Variants in SBSPON observed in about 807,000 individuals in gnomAD.
SBSPON encodes the protein somatomedin-B and thrombospondin type-1 domain-containing protein.
Under a neutral mutation model 35.8 loss-of-function variants are expected in SBSPON, and 30 were observed. The ratio of observed to expected loss-of-function variants is 0.84; its 90% CI spans 0.63 to 1.14. The LOEUF (loss-of-function observed/expected upper bound fraction) is 1.14. Ranked by LOEUF, SBSPON falls within the 50% of genes most tolerant of loss-of-function variation. The probability of loss-of-function intolerance (pLI) is 0.00; values close to 1 mark genes in which losing one functional copy is unlikely to be tolerated. For missense variants in SBSPON, 364 were observed against 357.7 expected, an observed-to-expected ratio of 1.02 and a Z score of -0.14; for synonymous variants, 136 against 135.9, an observed-to-expected ratio of 1.00 and a Z score of 0.00.
At chr8:73,087,054 A>G (rs1810841447) in intron 1 of SBSPON, among the ~76,000 whole-genome samples, 1 of 152,214 alleles carries the variant, frequency 6.6e-6, no homozygotes, top group Non-Finnish European at 1.5e-5. Flanking sequence ...TTATGCAGAC[A>G]GGCAAGACAC....
chr8:73,074,885 T>C (rs924746064), intron 2 of SBSPON, among the ~76,000 whole-genome samples: 8 of 152,202 alleles, frequency 5.3e-5, no homozygotes, highest in Non-Finnish European at 1.0e-4. Flanking sequence ...ATGTGTTACC[T>C]TCAACAAAAA....
chr8:73,077,236 G>A (rs1026899183), intron 2 of SBSPON, among the ~76,000 whole-genome samples: 8 of 152,196 alleles, frequency 5.3e-5, no homozygotes, highest in African/African-American at 1.9e-4. Flanking sequence ...CACTAAATTT[G>A]GGGTAATCTG....
rs1810502701 is a variant in SBSPON, at chr8:73,072,004, A to G, written c.410-134T>C. On this transcript the variant is annotated intron_variant, in intron 2 of 4. Coordinates refer to ENST00000297354, the MANE Select transcript of SBSPON (RefSeq NM_153225.4). Reference sequence around the variant, plus strand: ...GGCTACGGCACACCATCAAGGTGTGAAATGAGGCCAAGTTACAAATTCAAT... The same window carrying G: ...GGCTACGGCACACCATCAAGGTGTGGAATGAGGCCAAGTTACAAATTCAAT... 7 of 632,572 alleles carry G rather than the reference A, an allele frequency of 1.1e-5. No individual in the cohort carries two copies. In the South Asian group the frequency reaches 1.3e-4, roughly 12 times the overall value. 39.2% of individuals were successfully genotyped at this position (632,572 alleles called of 1,614,324 possible). A position where few individuals can be genotyped will look rare whatever the true frequency, so the allele number is the denominator to read the frequency against.
intron 2 of SBSPON, 145 bp from the exon 3 acceptor site, chr8:73,072,015 A>G (rs556730098): frequency 1.9e-4 from 121 of 625,410 alleles, no homozygotes; most frequent in Non-Finnish European, 3.4e-4. Context: ...AATGAGGCCA[A>G]GTTACAAATT....
intron 1 of SBSPON, among the ~76,000 whole-genome samples, chr8:73,089,883 C>CT (rs1421228718): frequency 6.6e-6 from 1 of 151,896 alleles, no homozygotes; most frequent in Non-Finnish European, 1.5e-5. Flanking sequence ...CCTGCCCCTA[C>CT]TTTTTTTTGA....
Position 73,067,207 on chromosome 8 carries a change from C to T in SBSPON, c.*134G>A. The T allele has an allele frequency of 1.9e-6, 1 of 536,692 alleles. No homozygotes were observed. The allele number at this position is 536,692 out of a possible 1,614,324, so 33.2% of individuals were successfully genotyped here. A position where few individuals can be genotyped will look rare whatever the true frequency, so the allele number is the denominator to read the frequency against. On this transcript the variant is annotated 3_prime_UTR_variant, in exon 5 of 5. Transcript: ENST00000297354. ...CCTTGAGAACTGGCCCCTAAATTTTCTTTCTCTACTTCAGAGTGTGGCAAT... is the reference window on the plus strand; with the variant it reads ...CCTTGAGAACTGGCCCCTAAATTTTTTTTCTCTACTTCAGAGTGTGGCAAT...
intron 4 of SBSPON, among the ~76,000 whole-genome samples, chr8:73,068,915 C>A (rs573122881): frequency 2.0e-5 from 3 of 151,992 alleles, no homozygotes; most frequent in Non-Finnish European, 4.4e-5. Context: ...GAAAATTATA[C>A]GAAATTCAAA....
In SBSPON at chr8:73,067,375, G is replaced by A. The variant is rs758415418; in HGVS notation, c.761C>T (p.Ser254Phe). 9 of 1,608,136 alleles carry A rather than the reference G, an allele frequency of 5.6e-6. No individual in the cohort carries two copies. The highest frequency in any genetic ancestry group is 6.8e-6 in the Non-Finnish European group (8 of 1,175,046). The change falls in exon 5 of 5, where the codon TCT (serine) becomes TTT (phenylalanine). Residue 254 changes from serine to phenylalanine, a missense_variant. Ser to Phe is a radical substitution (Grantham distance 155). Coordinates refer to ENST00000297354, the MANE Select transcript of SBSPON (RefSeq NM_153225.4). ...WKKVRRVDQC[S>F]CPAVHSFIFI ...AATAAAACTGTGAACAGCTGGACAA[G>A]AACACTGGTCTACTCGCCGAACTTT...
At chr8:73,084,859 C>T (rs1253929586) in intron 1 of SBSPON, among the ~76,000 whole-genome samples, 4 of 151,562 alleles carry the variant, frequency 2.6e-5, no homozygotes, top group Non-Finnish European at 5.9e-5. Flanking sequence ...TTCATAATTA[C>T]TTATTCATTT....
In SBSPON at chr8:73,065,018, T is replaced by TC. The variant is rs1362688869; in HGVS notation, c.*2322_*2323insG. On this transcript the variant is annotated 3_prime_UTR_variant, in exon 5 of 5. Coordinates refer to ENST00000297354, the MANE Select transcript of SBSPON (RefSeq NM_153225.4). Reference sequence around the variant, plus strand: ...ATTTTTAAATTTGAAAATAAAAACTTTTGGTTTTTCATTCATCACTTGGAC... The same window carrying TC: ...ATTTTTAAATTTGAAAATAAAAACTTCTTGGTTTTTCATTCATCACTTGGAC... 1 of 152,172 alleles carries TC rather than the reference T, an allele frequency of 6.6e-6. No homozygotes were observed. Among genetic ancestry groups the TC allele is most frequent in the African/African-American group, 2.4e-5 (1 of 41,426 alleles). The allele number at this position is 152,172 out of a possible 1,614,324, so 9.4% of individuals were successfully genotyped here.
intron 2 of SBSPON, among the ~76,000 whole-genome samples, chr8:73,078,000 A>G (rs1178777178): frequency 6.6e-6 from 1 of 152,144 alleles, no homozygotes; most frequent in Non-Finnish European, 1.5e-5. Flanking sequence ...AAAAGAGGAT[A>G]CTCTGGGAAC....
intron 1 of SBSPON, among the ~76,000 whole-genome samples, chr8:73,090,436 G>A (rs1224255074): frequency 2.0e-5 from 3 of 152,250 alleles, no homozygotes; most frequent in African/African-American, 7.2e-5. Context: ...TCAGCTCTGA[G>A]CCCGGGAGGC....
Position 73,065,287 on chromosome 8 carries a change from A to G in SBSPON, c.*2054T>C, listed in dbSNP as rs1048003984. The G allele has an allele frequency of 1.4e-4, 21 of 152,216 alleles. No individual in the cohort carries two copies. The highest frequency in any genetic ancestry group is 5.1e-4 in the African/African-American group (21 of 41,468). 9.4% of individuals were successfully genotyped at this position (152,216 alleles called of 1,614,324 possible). ...AAATGTTATAACACATATCGGAACT[A>G]TAAAAGCACCATTGCTTTATTGCTA... On this transcript the variant is annotated 3_prime_UTR_variant, in exon 5 of 5. Coordinates refer to ENST00000297354, the MANE Select transcript of SBSPON (RefSeq NM_153225.4).
intron 1 of SBSPON, among the ~76,000 whole-genome samples, chr8:73,086,232 C>T (rs1810823092): frequency 6.6e-6 from 1 of 151,970 alleles, no homozygotes; most frequent in Admixed American, 6.6e-5. Context: ...GTGATCTCGA[C>T]TCACTGCAAC....
At chr8:73,076,341 T>C (rs149861742) in intron 2 of SBSPON, among the ~76,000 whole-genome samples, 189 of 152,242 alleles carry the variant, frequency 1.2e-3, no homozygotes, top group African/African-American at 4.2e-3. Flanking sequence ...GAATTAAGGT[T>C]ACAGGTGGAA....
chr8:73,067,098 G>T lies in SBSPON; in HGVS notation c.*243C>A. ...CCACCTGCTGAATGAGAGGACTCCA[G>T]TTGAAAGGTCAAGAACATAAAACCA... On this transcript the variant is annotated 3_prime_UTR_variant, in exon 5 of 5. Coordinates refer to ENST00000297354, the MANE Select transcript of SBSPON (RefSeq NM_153225.4). 2.8e-6 allele frequency: 1 copy of T among 354,056 alleles called. No homozygotes were observed. The highest frequency in any genetic ancestry group is 5.7e-5 in the South Asian group (1 of 17,408). The allele number at this position is 354,056 out of a possible 1,614,324, so 21.9% of individuals were successfully genotyped here.
Position 73,067,538 on chromosome 8 carries a change from G to A in SBSPON, c.678-80C>T, listed in dbSNP as rs375671135. On this transcript the variant is annotated intron_variant, in intron 4 of 4. Transcript: ENST00000297354. ...CTAATTTACAGAATTAAAACTCGGAGTTAAAAAAAACTGATCACAGCCTGA... is the reference window on the plus strand; with the variant it reads ...CTAATTTACAGAATTAAAACTCGGAATTAAAAAAAACTGATCACAGCCTGA... 195 of 823,846 alleles carry A rather than the reference G, an allele frequency of 2.4e-4. 1 individual carries two copies. In the East Asian group the frequency reaches 3.5e-3, roughly 15 times the overall value. 51.0% of individuals were successfully genotyped at this position (823,846 alleles called of 1,614,324 possible).
At chr8:73,080,300 G>A (rs933092962) in intron 2 of SBSPON, among the ~76,000 whole-genome samples, 3 of 151,982 alleles carry the variant, frequency 2.0e-5, no homozygotes, top group Non-Finnish European at 2.9e-5. Flanking sequence ...GGATCACAAG[G>A]TCAGGAGATC....
At chr8:73,073,498 G>C (rs542563994) in intron 2 of SBSPON, among the ~76,000 whole-genome samples, 1 of 152,150 alleles carries the variant, frequency 6.6e-6, no homozygotes, top group South Asian at 2.1e-4. Flanking sequence ...AGTTATTTTT[G>C]TATTACTAGG....
Sources: gnomAD v4.1 joint callset for allele counts (sites outside exome capture counted in the v4.1 genomes callset) on GRCh38, gnomAD v4.1.1 for gene constraint, MANE v1.5 for transcripts, NCBI Gene and HGNC (gene_info 2026-07-23, HGNC 2026-07-21) for gene names.